Variants in DOCK2 observed in about 807,000 individuals in gnomAD.
DOCK2 encodes dedicator of cytokinesis 2, also known as dedicator of cytokinesis protein 2.
In DOCK2, 87 loss-of-function variants were observed where a neutral mutation model predicts 248.9. The observed-to-expected ratio is 0.35, with a 90% CI of 0.29 to 0.42. The LOEUF (loss-of-function observed/expected upper bound fraction) is 0.42. Among genes scored for constraint, DOCK2 ranks in the 10% least tolerant of loss-of-function variants. The pLI, the probability that DOCK2 is intolerant of heterozygous loss-of-function variation, is 1.00. For synonymous variants in DOCK2, 805 were observed against 821.6 expected (o/e 0.98, Z 0.35); for missense variants, 1,747 against 2,300.2 (o/e 0.76, Z 4.92).
chr5:169,801,528 A>G (rs1280534834), intron 25 of DOCK2, among the ~76,000 whole-genome samples: 1 of 152,214 alleles, frequency 6.6e-6, no homozygotes, highest in Admixed American at 6.5e-5. Context: ...AATACTGTGT[A>G]TTAGTACCGT....
At chr5:169,946,911 C>T (rs201704541) in intron 27 of DOCK2, among the ~76,000 whole-genome samples, 5 of 152,094 alleles carry the variant, frequency 3.3e-5, no homozygotes, top group African/African-American at 9.7e-5. Flanking sequence ...GTGTTCCAGG[C>T]AGAGGGAAGA....
At chr5:170,057,484 G>A (rs761331247) in intron 43 of DOCK2, 96 bp from the exon 44 acceptor site, 1 of 1,038,322 alleles carries the variant, frequency 9.6e-7, no homozygotes, top group East Asian at 2.4e-5. Flanking sequence ...GAGGCCCGGG[G>A]ACCTGGCTGG....
intron 27 of DOCK2, among the ~76,000 whole-genome samples, chr5:169,936,229 G>A (rs551285310): frequency 6.6e-5 from 10 of 152,310 alleles, no homozygotes; most frequent in East Asian, 3.9e-4. Flanking sequence ...AGGCCCAAGC[G>A]TGATAACACT....
chr5:169,865,404 C>T (rs1469520894), intron 27 of DOCK2, among the ~76,000 whole-genome samples: 1 of 152,146 alleles, frequency 6.6e-6, no homozygotes, highest in East Asian at 1.9e-4. Flanking sequence ...GGAAGTCAGG[C>T]CAGCAGACCT....
chr5:169,987,636 T>G (rs1284952235), intron 29 of DOCK2, among the ~76,000 whole-genome samples: 1 of 152,218 alleles, frequency 6.6e-6, no homozygotes, highest in African/African-American at 2.4e-5. Flanking sequence ...TATTTCCTCC[T>G]GAAATCCCAG....
At chr5:169,970,416 C>G (rs569770527) in intron 27 of DOCK2, among the ~76,000 whole-genome samples, 2 of 152,282 alleles carry the variant, frequency 1.3e-5, no homozygotes, top group East Asian at 3.9e-4. Flanking sequence ...TGAAATAAGG[C>G]TGGGAAAGAA....
chr5:170,006,033 G>T (rs755098819), intron 30 of DOCK2, among the ~76,000 whole-genome samples: 10 of 152,112 alleles, frequency 6.6e-5, no homozygotes, highest in Non-Finnish European at 1.3e-4. Context: ...GTTTTCTCTT[G>T]CCCTGGCTTG....
At chr5:169,969,605 C>T (rs73327836) in intron 27 of DOCK2, among the ~76,000 whole-genome samples, 123 of 152,290 alleles carry the variant, frequency 8.1e-4, no homozygotes, top group South Asian at 3.3e-3. Flanking sequence ...TGCCATTCTG[C>T]GGAGGCATTC....
intron 2 of DOCK2, among the ~76,000 whole-genome samples, chr5:169,668,158 C>A (rs1348797903): frequency 1.3e-5 from 2 of 152,190 alleles, no homozygotes; most frequent in Non-Finnish European, 2.9e-5. Context: ...AGGATAATAA[C>A]CGTTCCTACT....
Position 170,036,388 on chromosome 5 carries a change from T to G in DOCK2, c.3625-127T>G, listed in dbSNP as rs531000374. 2.6e-5 allele frequency: 24 copies of G among 941,078 alleles called. No homozygotes were observed. The South Asian group carries it at 3.5e-4, about 14-fold the overall frequency. 58.3% of individuals were successfully genotyped at this position (941,078 alleles called of 1,614,324 possible). On this transcript the variant is annotated intron_variant, in intron 35 of 51. Coordinates refer to ENST00000520908, the MANE Select transcript of DOCK2 (RefSeq NM_004946.3). The stretch of plus-strand genomic sequence containing the variant: ...TTTGGGGCATCCAGGAAAATAAGTT[T>G]CTTATTCCTATCTCAGGGTACCCAG...
intron 27 of DOCK2, among the ~76,000 whole-genome samples, chr5:169,976,373 AT>A (rs1561862410): frequency 6.6e-6 from 1 of 152,178 alleles, no homozygotes. Context: ...TTCCTCCTGT[AT>A]AAAATGAGCA....
intron 26 of DOCK2, among the ~76,000 whole-genome samples, chr5:169,835,539 G>C (rs1561748041): frequency 6.6e-6 from 1 of 152,122 alleles, no homozygotes; most frequent in African/African-American, 2.4e-5. Context: ...ACAGGCATGA[G>C]TCAGCGGGCC....
intron 6 of DOCK2, among the ~76,000 whole-genome samples, chr5:169,678,452 C>A (rs1294524287): frequency 6.6e-6 from 1 of 151,900 alleles, no homozygotes; most frequent in East Asian, 1.9e-4. Flanking sequence ...TTAGTAGAGA[C>A]GGGGTTTCAC....
intron 27 of DOCK2, among the ~76,000 whole-genome samples, chr5:169,865,873 C>A (rs1165709742): frequency 1.3e-5 from 2 of 152,216 alleles, no homozygotes; most frequent in East Asian, 1.9e-4. Context: ...GGACATCTGC[C>A]CTTGCTTACT....
intron 22 of DOCK2, among the ~76,000 whole-genome samples, chr5:169,735,022 A>G (rs1288361944): frequency 6.6e-6 from 1 of 152,118 alleles, no homozygotes; most frequent in Non-Finnish European, 1.5e-5. Context: ...TTTAAAATCC[A>G]GCTTTGATAG....
chr5:170,037,172 C>A (rs1756350158), intron 36 of DOCK2, among the ~76,000 whole-genome samples: 1 of 151,632 alleles, frequency 6.6e-6, no homozygotes, highest in South Asian at 2.1e-4. Context: ...AAAATATGGG[C>A]AAGCAACACA....
At chr5:170,027,171 A>G (rs896912176) in intron 33 of DOCK2, among the ~76,000 whole-genome samples, 1 of 152,088 alleles carries the variant, frequency 6.6e-6, no homozygotes, top group African/African-American at 2.4e-5. Context: ...TCATTTTGCT[A>G]AGAGGTCCAA....
intron 44 of DOCK2, among the ~76,000 whole-genome samples, chr5:170,065,646 C>T (rs559013412): frequency 2.8e-4 from 42 of 152,290 alleles, no homozygotes; most frequent in Non-Finnish European, 4.0e-4. Context: ...TCCCATCTTA[C>T]GTGGATGGCA....
chr5:169,965,282 G>T (rs1777255108), intron 27 of DOCK2, among the ~76,000 whole-genome samples: 1 of 152,214 alleles, frequency 6.6e-6, no homozygotes, highest in African/African-American at 2.4e-5. Context: ...TCAGCTGCGG[G>T]CTGGGGCTTG....
Sources: gnomAD v4.1 joint callset for allele counts (sites outside exome capture counted in the v4.1 genomes callset) on GRCh38, gnomAD v4.1.1 for gene constraint, MANE v1.5 for transcripts, NCBI Gene and HGNC (gene_info 2026-07-23, HGNC 2026-07-21) for gene names.